The following ROR2 variants were observed in gnomAD, a reference collection of about 807,000 sequenced individuals.
ROR2 encodes tyrosine-protein kinase transmembrane receptor ROR2.
ROR2 carries 33 observed loss-of-function variants against 74.9 expected under a neutral mutation model. The ratio of observed to expected loss-of-function variants is 0.44; its 90% CI spans 0.33 to 0.59. The LOEUF (loss-of-function observed/expected upper bound fraction) is 0.59, where lower values mean the gene tolerates loss of function less well. Ranked by LOEUF, ROR2 falls within the 20% of genes least tolerant of loss-of-function variation. The pLI is 0.02. For missense variants in ROR2, 1,216 were observed against 1,313.8 expected (o/e 0.93, Z 1.15); for synonymous variants, 586 against 558.7 (o/e 1.05, Z -0.69).
rs994858181 is a variant in ROR2 at position 91,857,052 on chromosome 9, A to T, written c.98-81234T>A. ...AGCCTGTGTTCACTCCCATCCCCTA[A>T]AACAACCCCTTCACCAGGTGCCCAT... On this transcript the variant is annotated intron_variant, in intron 1 of 8. Transcript: ENST00000375708. 2.6e-5 allele frequency among the ~76,000 whole-genome samples: 4 copies of T among 152,278 alleles called. No individual in the cohort carries two copies. The South Asian group carries it at 6.2e-4, about 24-fold the overall frequency.
chr9:91,760,310 T>A (rs1362812100), intron 2 of ROR2, among the ~76,000 whole-genome samples: 2 of 152,242 alleles, frequency 1.3e-5, no homozygotes, highest in Non-Finnish European at 2.9e-5. Flanking sequence ...TGTTAAATTA[T>A]GATGACTGAA....
At position 91,783,766 on chromosome 9, in the gene ROR2, T is replaced by A. The variant is rs548918487; in HGVS notation, c.98-7948A>T. Reference sequence around the variant, plus strand: ...AGGGATGGAGGTGGAGTTGGCCTTCTGCAGCCTGACTGCTGTGGGTAACGA... The same window carrying A: ...AGGGATGGAGGTGGAGTTGGCCTTCAGCAGCCTGACTGCTGTGGGTAACGA... On this transcript the variant is annotated intron_variant, in intron 1 of 8. Coordinates refer to ENST00000375708, the MANE Select transcript of ROR2 (RefSeq NM_004560.4). Among the ~76,000 whole-genome samples the A allele has an allele frequency of 2.6e-5, 4 of 152,334 alleles. No homozygotes were observed. In the South Asian group the frequency reaches 8.3e-4, roughly 32 times the overall value.
intron 1 of ROR2, among the ~76,000 whole-genome samples, chr9:91,783,391 C>T (rs932840157): frequency 4.6e-5 from 7 of 152,228 alleles, no homozygotes; most frequent in Admixed American, 2.6e-4. Flanking sequence ...GTGAGTGCCT[C>T]GCTGAGAAGG....
chr9:91,862,529 G>A (rs186801358), intron 1 of ROR2, among the ~76,000 whole-genome samples: 3 of 152,220 alleles, frequency 2.0e-5, no homozygotes, highest in East Asian at 3.9e-4. Context: ...TGGCATGGTG[G>A]CACATGCCAG....
chr9:91,943,487 A>G (rs139629589), intron 1 of ROR2, among the ~76,000 whole-genome samples: 1,840 of 152,174 alleles, frequency 0.012, 39 homozygotes, highest in African/African-American at 0.043. Flanking sequence ...TTCCATCCTT[A>G]TATCTCCCTC....
chr9:91,796,665 G>A (rs1172291233), intron 1 of ROR2, among the ~76,000 whole-genome samples: 1 of 152,076 alleles, frequency 6.6e-6, no homozygotes, highest in Non-Finnish European at 1.5e-5. Context: ...TCAGTAGGTG[G>A]GCCTGACAGT....
At chr9:91,748,703 C>T (rs916535627) in intron 4 of ROR2, among the ~76,000 whole-genome samples, 1 of 152,030 alleles carries the variant, frequency 6.6e-6, no homozygotes, top group South Asian at 2.1e-4. Flanking sequence ...AAAGATATGC[C>T]GGGTCGTCAT....
intron 1 of ROR2, among the ~76,000 whole-genome samples, chr9:91,845,514 C>T (rs920620699): frequency 6.6e-6 from 1 of 152,184 alleles, no homozygotes; most frequent in African/African-American, 2.4e-5. Context: ...CCCCCACCCT[C>T]ATGCACACCC....
chr9:91,929,802 C>T (rs191661209), intron 1 of ROR2, among the ~76,000 whole-genome samples: 8 of 152,152 alleles, frequency 5.3e-5, no homozygotes, highest in Non-Finnish European at 8.8e-5. Flanking sequence ...AGGAAGAGGA[C>T]GGCCACTACC....
intron 1 of ROR2, among the ~76,000 whole-genome samples, chr9:91,830,739 A>G (rs1828439326): frequency 6.6e-6 from 1 of 151,998 alleles, no homozygotes; most frequent in Non-Finnish European, 1.5e-5. Flanking sequence ...TTATGTTATT[A>G]TATTGAGGGA....
At chr9:91,948,732 G>A (rs1832078968) in intron 1 of ROR2, 6 of 985,364 alleles carry the variant, frequency 6.1e-6, no homozygotes, top group South Asian at 4.7e-5. Context: ...GGAGTGCAGG[G>A]ATGGGGGATA....
chr9:91,909,847 G>GGTTTTTTTTTT (rs766353760), intron 1 of ROR2, among the ~76,000 whole-genome samples: 1 of 53,598 alleles, frequency 1.9e-5, no homozygotes, highest in African/African-American at 7.9e-5. Flanking sequence ...GGTTTGTTTT[G>GGTTTTTTTTTT]TTTTTTTTTT....
At chr9:91,815,972 C>G (rs1253089009) in intron 1 of ROR2, among the ~76,000 whole-genome samples, 1 of 152,202 alleles carries the variant, frequency 6.6e-6, no homozygotes, top group Non-Finnish European at 1.5e-5. Context: ...ACGGTCACCC[C>G]CAAAGCCTGT....
At chr9:91,786,540 T>C (rs939836578) in intron 1 of ROR2, among the ~76,000 whole-genome samples, 1 of 152,154 alleles carries the variant, frequency 6.6e-6, no homozygotes, top group Non-Finnish European at 1.5e-5. Flanking sequence ...CCAGTTAACC[T>C]GGGCTACTCC....
chr9:91,916,474 C>A (rs577535771), intron 1 of ROR2, among the ~76,000 whole-genome samples: 1 of 152,308 alleles, frequency 6.6e-6, no homozygotes, highest in South Asian at 2.1e-4. Context: ...TCCCACCCTG[C>A]CCCTCACCTT....
At chr9:91,838,686 C>T (rs962343675) in intron 1 of ROR2, among the ~76,000 whole-genome samples, 8 of 151,336 alleles carry the variant, frequency 5.3e-5, no homozygotes, top group South Asian at 2.1e-4. Flanking sequence ...GCACCACGGC[C>T]GGCGCAGGAG....
At chr9:91,928,540 C>T (rs1488695945) in intron 1 of ROR2, among the ~76,000 whole-genome samples, 1 of 152,176 alleles carries the variant, frequency 6.6e-6, no homozygotes. Flanking sequence ...CTGTGGGCTT[C>T]TCATGGGAGA....
At chr9:91,829,396 A>T (rs927173032) in intron 1 of ROR2, among the ~76,000 whole-genome samples, 29 of 151,964 alleles carry the variant, frequency 1.9e-4, no homozygotes, top group Non-Finnish European at 2.9e-5. Context: ...ACACACACAC[A>T]AAAATTAGCT....
At chr9:91,913,576 A>T (rs1431229968) in intron 1 of ROR2, among the ~76,000 whole-genome samples, 1 of 152,210 alleles carries the variant, frequency 6.6e-6, no homozygotes, top group African/African-American at 2.4e-5. Context: ...AAAAACTTTG[A>T]CATCAACTGG....
Sources: gnomAD v4.1 joint callset for allele counts (sites outside exome capture counted in the v4.1 genomes callset) on GRCh38, gnomAD v4.1.1 for gene constraint, MANE v1.5 for transcripts, NCBI Gene and HGNC (gene_info 2026-07-23, HGNC 2026-07-21) for gene names.